Variants in RAD51B observed in about 807,000 individuals in gnomAD.
RAD51B encodes the protein DNA repair protein RAD51 homolog 2.
A neutral mutation model predicts 42.2 loss-of-function variants in RAD51B; 38 were observed. The ratio of observed to expected loss-of-function variants is 0.90; its 90% confidence interval spans 0.70 to 1.18. The LOEUF is 1.18. Among genes scored for constraint, RAD51B ranks in the 50% most tolerant of loss-of-function variants. RAD51B has a pLI of 0.00. For missense variants in RAD51B, 373 were observed against 400.7 expected, an observed-to-expected ratio of 0.93 and a Z score of 0.59; for synonymous variants, 154 against 145.2, an observed-to-expected ratio of 1.06 and a Z score of -0.43.
At chr14:68,542,173 G>T (rs1241865000) in intron 10 of RAD51B, among the ~76,000 whole-genome samples, 2 of 152,060 alleles carry the variant, frequency 1.3e-5, no homozygotes, top group African/African-American at 2.4e-5. Flanking sequence ...CAATAAATAT[G>T]TCAGGGGAGT....
At chr14:68,574,759 T>G (rs1889885620) in intron 10 of RAD51B, among the ~76,000 whole-genome samples, 1 of 152,222 alleles carries the variant, frequency 6.6e-6, no homozygotes, top group Admixed American at 6.5e-5. Context: ...AATAGTTTAT[T>G]TTTATTTTTT....
intron 10 of RAD51B, among the ~76,000 whole-genome samples, chr14:68,519,925 G>A (rs1194429691): frequency 6.6e-6 from 1 of 152,210 alleles, no homozygotes; most frequent in African/African-American, 2.4e-5. Flanking sequence ...AAAAGGAGAA[G>A]AGAGAACGTT....
rs1893014491 is a variant in RAD51B at position 68,665,485 on chromosome 14, A to G, written c.*11+14629A>G. 2.6e-5 allele frequency among the ~76,000 whole-genome samples: 4 copies of G among 152,354 alleles called. No homozygotes were observed. The South Asian group carries it at 8.3e-4, about 32-fold the overall frequency. On this transcript the variant is annotated intron_variant, in intron 11 of 11. Transcript: ENST00000488612. ...GGAAACATCACTTTATCAGAAATAT[A>G]CTTCCCCCAACCCATCCCAAACTGT... is the stretch of plus-strand genomic sequence containing the variant.
intron 8 of RAD51B, among the ~76,000 whole-genome samples, chr14:68,307,940 C>T (rs1227201829): frequency 1.3e-5 from 2 of 152,162 alleles, no homozygotes; most frequent in Non-Finnish European, 2.9e-5. Context: ...GTTGTTCTTG[C>T]AACACAAACA....
intron 3 of RAD51B, among the ~76,000 whole-genome samples, chr14:67,827,591 C>T (rs936284090): frequency 6.6e-6 from 1 of 152,056 alleles, no homozygotes; most frequent in African/African-American, 2.4e-5. Flanking sequence ...AGGTATTAAG[C>T]TCAGCGTCCA....
chr14:68,075,772 G>A (rs2076823206), intron 7 of RAD51B, among the ~76,000 whole-genome samples: 1 of 151,456 alleles, frequency 6.6e-6, no homozygotes, highest in African/African-American at 2.4e-5. Context: ...AAAGAGGAGG[G>A]GGTGAGGGCT....
At chr14:68,424,974 T>G (rs1340528567) in intron 9 of RAD51B, among the ~76,000 whole-genome samples, 3 of 152,212 alleles carry the variant, frequency 2.0e-5, no homozygotes, top group Non-Finnish European at 4.4e-5. Flanking sequence ...GGGGTCTTGC[T>G]GTGTTGCCCA....
intron 7 of RAD51B, among the ~76,000 whole-genome samples, chr14:68,007,964 T>A (rs1408609914): frequency 6.6e-6 from 1 of 152,014 alleles, no homozygotes; most frequent in East Asian, 1.9e-4. Flanking sequence ...GATGACTTTT[T>A]TGCGTATTAT....
intron 7 of RAD51B, among the ~76,000 whole-genome samples, chr14:68,218,201 C>T (rs1234220860): frequency 2.6e-5 from 4 of 152,192 alleles, no homozygotes; most frequent in Non-Finnish European, 4.4e-5. Flanking sequence ...GACCCAGAGG[C>T]AATGAAGCCA....
chr14:68,134,938 T>G (rs1388591204), intron 7 of RAD51B, among the ~76,000 whole-genome samples: 3 of 152,184 alleles, frequency 2.0e-5, no homozygotes, highest in African/African-American at 4.8e-5. Flanking sequence ...TTGATGAAGA[T>G]GATTTTATGT....
intron 1 of RAD51B, 33 bp downstream of exon 1, chr14:67,819,886 G>A (rs2040565390): frequency 6.6e-6 from 1 of 152,226 alleles, no homozygotes; most frequent in South Asian, 2.1e-4. Flanking sequence ...GTGCCGTTGT[G>A]GGGAAGTGGG....
At chr14:67,821,835 A>C (rs773476093) in intron 1 of RAD51B, among the ~76,000 whole-genome samples, 4 of 151,940 alleles carry the variant, frequency 2.6e-5, no homozygotes, top group Non-Finnish European at 5.9e-5. Flanking sequence ...ATTACTTGAA[A>C]CTACCTGATC....
At chr14:68,595,022 T>G in exon 11 of RAD51B, 1 of 1,073,160 alleles carries the variant, frequency 9.3e-7, no homozygotes, top group Non-Finnish European at 1.1e-6. Context: ...TCCAGTAGCC[T>G]AGATTTTGCC....
chr14:68,481,392 C>T (rs1440960566), downstream of RAD51B, among the ~76,000 whole-genome samples: 2 of 152,178 alleles, frequency 1.3e-5, no homozygotes, highest in Non-Finnish European at 2.9e-5. Flanking sequence ...TTAAGTGGCT[C>T]CTCCTTGAGA....
At chr14:67,893,943 T>C (rs1271010841) in intron 7 of RAD51B, among the ~76,000 whole-genome samples, 2 of 152,228 alleles carry the variant, frequency 1.3e-5, no homozygotes, top group African/African-American at 2.4e-5. Flanking sequence ...GATTACTTTC[T>C]ACCACCTTCA....
chr14:68,513,440 G>A (rs779714232), intron 10 of RAD51B, among the ~76,000 whole-genome samples: 15 of 152,232 alleles, frequency 9.9e-5, no homozygotes, highest in Non-Finnish European at 8.8e-5. Context: ...CCAGCCAAAT[G>A]GGCCATGGTG....
At chr14:68,130,899 T>G (rs1437986873) in intron 7 of RAD51B, among the ~76,000 whole-genome samples, 2 of 152,184 alleles carry the variant, frequency 1.3e-5, no homozygotes, top group Admixed American at 1.3e-4. Flanking sequence ...TGTTTGTGTG[T>G]GTGTGTGTGT....
rs1217035936 is a variant in RAD51B at position 68,093,392 on chromosome 14, T to C, written c.757-198492T>C. On this transcript the variant is annotated intron_variant, in intron 7 of 10. Coordinates refer to ENST00000471583, the MANE Select transcript of RAD51B (RefSeq NM_133510.4). Reference sequence around the variant, plus strand: ...TCAATTTCAGAGCCTGTTATTGGACTATTCAGAGATTCAACTTCTTCCTGG... The same window carrying C: ...TCAATTTCAGAGCCTGTTATTGGACCATTCAGAGATTCAACTTCTTCCTGG... Among the ~76,000 whole-genome samples the C allele has an allele frequency of 2.6e-5, 4 of 152,364 alleles. No homozygotes were observed. In the East Asian group the frequency reaches 7.7e-4, roughly 29 times the overall value.
At chr14:68,325,575 T>G (rs1242617086) in intron 8 of RAD51B, among the ~76,000 whole-genome samples, 5 of 45,074 alleles carry the variant, frequency 1.1e-4, no homozygotes, top group African/African-American at 1.8e-4. Flanking sequence ...ACATTCTCAT[T>G]TTTTTTTTTT....
Sources: gnomAD v4.1 joint callset for allele counts (sites outside exome capture counted in the v4.1 genomes callset) on GRCh38, gnomAD v4.1.1 for gene constraint, MANE v1.5 for transcripts, NCBI Gene and HGNC (gene_info 2026-07-23, HGNC 2026-07-21) for gene names.